The following MGAT4C variants were observed in gnomAD, a reference collection of about 807,000 sequenced individuals.
The protein encoded by MGAT4C is MGAT4 family member C, also known as alpha-1,3-mannosyl-glycoprotein 4-beta-N-acetylglucosaminyltransferase C.
MGAT4C carries 19 observed loss-of-function variants against 40.1 expected under a neutral mutation model. The observed-to-expected ratio is 0.47, with a 90% CI of 0.33 to 0.70. MGAT4C has a LOEUF of 0.70. Among genes scored for constraint, MGAT4C ranks in the 30% least tolerant of loss-of-function variants. The pLI, the probability that MGAT4C is intolerant of heterozygous loss-of-function variation, is 0.02. For missense variants in MGAT4C, 491 were observed against 563.2 expected, an observed-to-expected ratio of 0.87 and a Z score of 1.30; for synonymous variants, 181 against 187.1, an observed-to-expected ratio of 0.97 and a Z score of 0.27.
intron 2 of MGAT4C, among the ~76,000 whole-genome samples, chr12:86,477,314 G>T (rs1957853051): frequency 6.6e-6 from 1 of 151,868 alleles, no homozygotes; most frequent in Non-Finnish European, 1.5e-5. Context: ...AGCACAAATA[G>T]AAAACCAAAT....
At chr12:86,004,436 A>T (rs1887663996) in intron 2 of MGAT4C, among the ~76,000 whole-genome samples, 1 of 152,110 alleles carries the variant, frequency 6.6e-6, no homozygotes, top group African/African-American at 2.4e-5. Context: ...CTCTCATTAT[A>T]TGTTAATTTC....
intron 2 of MGAT4C, among the ~76,000 whole-genome samples, chr12:86,487,748 A>G (rs1031264322): frequency 1.3e-5 from 2 of 152,202 alleles, no homozygotes; most frequent in African/African-American, 4.8e-5. Context: ...ATTTTATTCT[A>G]AATACTATTC....
intron 1 of MGAT4C, among the ~76,000 whole-genome samples, chr12:86,255,121 C>T (rs918616900): frequency 6.6e-6 from 1 of 151,704 alleles, no homozygotes; most frequent in Non-Finnish European, 1.5e-5. Flanking sequence ...ACTTGATGAA[C>T]AAGCCATTAT....
intron 2 of MGAT4C, among the ~76,000 whole-genome samples, chr12:86,487,728 T>A (rs183960614): frequency 6.6e-6 from 1 of 152,188 alleles, no homozygotes; most frequent in Admixed American, 6.6e-5. Flanking sequence ...TGAAGAAAAT[T>A]AAGCTTCCAA....
chr12:86,486,946 G>T (rs1407296269), intron 2 of MGAT4C, among the ~76,000 whole-genome samples: 1 of 152,168 alleles, frequency 6.6e-6, no homozygotes, highest in Non-Finnish European at 1.5e-5. Flanking sequence ...CAGCAAAGCA[G>T]TTTTATCTGA....
chr12:86,651,930 T>A (rs1384933505), intron 2 of MGAT4C, among the ~76,000 whole-genome samples: 1 of 151,890 alleles, frequency 6.6e-6, no homozygotes, highest in African/African-American at 2.4e-5. Context: ...CAAGATATTG[T>A]CTATTTGAGA....
chr12:86,661,409 T>TA (rs1196808581), intron 2 of MGAT4C, among the ~76,000 whole-genome samples: 12 of 151,978 alleles, frequency 7.9e-5, no homozygotes, highest in African/African-American at 2.2e-4. Context: ...ATTTAAAATG[T>TA]AAAAAAATCA....
At chr12:86,629,611 G>T (rs565144167) in intron 2 of MGAT4C, among the ~76,000 whole-genome samples, 2 of 152,062 alleles carry the variant, frequency 1.3e-5, no homozygotes, top group Non-Finnish European at 2.9e-5. Flanking sequence ...ACTCAAAACC[G>T]CCCAACTACA....
rs202237397 is a variant in MGAT4C at position 86,405,390 on chromosome 12, CA to C, written c.-120+29766del. Among the ~76,000 whole-genome samples, 876 of 151,954 alleles carry C rather than the reference CA, an allele frequency of 5.8e-3. 7 individuals carry two copies. Among genetic ancestry groups the C allele is most frequent in the African/African-American group, 0.02 (841 of 41,496 alleles). Reference sequence around the variant, plus strand: ...CTAAAAATAAAATACCACTTAGAAACAGTCATAAAAAATACTTAGGAGTACG... The same window carrying C: ...CTAAAAATAAAATACCACTTAGAAACGTCATAAAAAATACTTAGGAGTACG... On this transcript the variant is annotated intron_variant, in intron 3 of 7. Transcript: ENST00000548651.
intron 3 of MGAT4C, among the ~76,000 whole-genome samples, chr12:86,345,819 G>A (rs1267918982): frequency 6.6e-6 from 1 of 152,150 alleles, no homozygotes; most frequent in Non-Finnish European, 1.5e-5. Flanking sequence ...GATCCCTGAG[G>A]AATCGCCACA....
chr12:86,381,382 G>A (rs1955925641), intron 3 of MGAT4C, among the ~76,000 whole-genome samples: 1 of 152,188 alleles, frequency 6.6e-6, no homozygotes, highest in African/African-American at 2.4e-5. Context: ...GTAACTTTCA[G>A]TTTGAGTCTG....
At chr12:86,769,999 A>T (rs967001427) in intron 1 of MGAT4C, among the ~76,000 whole-genome samples, 1 of 151,954 alleles carries the variant, frequency 6.6e-6, no homozygotes, top group African/African-American at 2.4e-5. Flanking sequence ...GTACCCTAAA[A>T]CTGAAAGTAT....
rs992753624 is a variant in MGAT4C, at chr12:86,041,477, A to G, written c.-7+8197T>C. ...GTTTAGCACCATAAGTTTCCCTCTT[A>G]ACATTACTTTTGCTTTGTCCCAGAG... On this transcript the variant is annotated intron_variant, in intron 2 of 4. Transcript: ENST00000611864. Among the ~76,000 whole-genome samples the G allele has an allele frequency of 5.3e-5, 8 of 152,008 alleles. 1 individual carries two copies. The highest frequency in any genetic ancestry group is 1.9e-4 in the African/African-American group (8 of 41,392).
At chr12:86,696,541 G>A (rs1409902456) in intron 2 of MGAT4C, among the ~76,000 whole-genome samples, 1 of 152,210 alleles carries the variant, frequency 6.6e-6, no homozygotes, top group Non-Finnish European at 1.5e-5. Context: ...CGTTTTTGGA[G>A]GTGGATGCAA....
At chr12:86,812,835 C>T (rs1432951114) in intron 1 of MGAT4C, among the ~76,000 whole-genome samples, 6 of 152,056 alleles carry the variant, frequency 3.9e-5, no homozygotes, top group Non-Finnish European at 7.4e-5. Context: ...AAGGAAATAT[C>T]AGGCCTAAAT....
intron 3 of MGAT4C, among the ~76,000 whole-genome samples, chr12:86,426,341 C>T (rs1018859230): frequency 2.0e-5 from 3 of 152,042 alleles, no homozygotes; most frequent in African/African-American, 7.2e-5. Flanking sequence ...TTGAGAAGAG[C>T]AGAAAGTGAA....
intron 2 of MGAT4C, among the ~76,000 whole-genome samples, chr12:86,702,123 G>C (rs1170797121): frequency 6.6e-6 from 1 of 151,976 alleles, no homozygotes; most frequent in Non-Finnish European, 1.5e-5. Context: ...CTGGGCTTAA[G>C]AGATCCTCCC....
chr12:86,504,307 G>A (rs1958431875), intron 2 of MGAT4C, among the ~76,000 whole-genome samples: 2 of 151,918 alleles, frequency 1.3e-5, no homozygotes, highest in African/African-American at 4.8e-5. Context: ...CAAAAAATTT[G>A]GTACATATGT....
chr12:86,821,622 T>G (rs1172149412), intron 1 of MGAT4C, among the ~76,000 whole-genome samples: 1 of 151,008 alleles, frequency 6.6e-6, no homozygotes, highest in South Asian at 2.1e-4. Flanking sequence ...ATTGTATTTT[T>G]GTACCCATTG....
Sources: allele counts gnomAD v4.1 joint callset (sites outside exome capture counted in the v4.1 genomes callset), GRCh38; gene constraint gnomAD v4.1.1; transcripts MANE v1.5; gene names NCBI Gene and HGNC (gene_info 2026-07-23, HGNC 2026-07-21).